LRBA: variants seen among roughly 807,000 people sequenced by gnomAD.
LRBA encodes LPS responsive beige-like anchor protein, also known as lipopolysaccharide-responsive and beige-like anchor protein.
In LRBA, 176 loss-of-function variants were observed where a neutral mutation model predicts 330.0. The ratio of observed to expected loss-of-function variants is 0.53; its 90% CI spans 0.47 to 0.60. The LOEUF (loss-of-function observed/expected upper bound fraction) is 0.60. Ranked by LOEUF, LRBA falls within the 20% of genes least tolerant of loss-of-function variation. The probability of loss-of-function intolerance (pLI) is 0.00; values close to 1 mark genes in which losing one functional copy is unlikely to be tolerated. For synonymous variants in LRBA, 1,230 were observed against 1,193.0 expected (o/e 1.03, Z -0.64); for missense variants, 3,259 against 3,444.8 (o/e 0.95, Z 1.35).
At position 150,639,781 on chromosome 4, in the gene LRBA, ATGTG is replaced by A. The variant is rs57210930; in HGVS notation, c.5922-40654_5922-40651del. On this transcript the variant is annotated intron_variant, in intron 37 of 56. Coordinates refer to ENST00000651943, the MANE Select transcript of LRBA (RefSeq NM_001364905.1). ...TATATATATATATATATATATATAT[ATGTG>A]TGTGTGTATATATATATATATGTGT... 1.2e-3 allele frequency among the ~76,000 whole-genome samples: 17 copies of A among 14,300 alleles called. 1 individual carries two copies. The highest frequency in any genetic ancestry group is 7.6e-3 in the African/African-American group (16 of 2,118). The allele number at this position is 14,300 out of a possible 152,430, so 9.4% of individuals were successfully genotyped here.
chr4:150,499,221 G>A (rs577947709), intron 40 of LRBA, among the ~76,000 whole-genome samples: 4 of 151,552 alleles, frequency 2.6e-5, no homozygotes, highest in South Asian at 2.1e-4. Context: ...TTACATGTAC[G>A]GTATAGAAAA....
At chr4:150,644,894 G>T (rs191507347) in intron 37 of LRBA, among the ~76,000 whole-genome samples, 8 of 151,878 alleles carry the variant, frequency 5.3e-5, no homozygotes, top group Admixed American at 3.3e-4. Flanking sequence ...GGTATTTAAA[G>T]CATAAGCTTA....
chr4:150,470,575 G>C (rs1301857625), intron 43 of LRBA, among the ~76,000 whole-genome samples: 2 of 151,894 alleles, frequency 1.3e-5, no homozygotes, highest in East Asian at 3.9e-4. Context: ...CAAAAACTCT[G>C]ATACCTTAAC....
intron 53 of LRBA, among the ~76,000 whole-genome samples, chr4:150,299,948 C>A (rs773552285): frequency 9.2e-5 from 14 of 152,002 alleles, no homozygotes; most frequent in Non-Finnish European, 1.5e-4. Context: ...ATACACATAA[C>A]CTAAAACCCT....
chr4:150,991,064 A>G (rs978336366), intron 2 of LRBA, among the ~76,000 whole-genome samples: 18 of 152,002 alleles, frequency 1.2e-4, no homozygotes, highest in Non-Finnish European at 7.4e-5. Flanking sequence ...AAAAAAAAAA[A>G]AAAAAAGAAG....
intron 34 of LRBA, among the ~76,000 whole-genome samples, chr4:150,763,285 C>T (rs913688489): frequency 3.3e-5 from 5 of 151,896 alleles, no homozygotes; most frequent in Non-Finnish European, 7.4e-5. Flanking sequence ...TTAGGCATAT[C>T]GTGCTACATC....
intron 36 of LRBA, among the ~76,000 whole-genome samples, chr4:150,718,636 A>G (rs1477770264): frequency 6.6e-6 from 1 of 152,128 alleles, no homozygotes; most frequent in Non-Finnish European, 1.5e-5. Flanking sequence ...ATGAACAAAT[A>G]TATTTTCTCT....
chr4:150,829,975 T>A (rs1187987517), intron 29 of LRBA, among the ~76,000 whole-genome samples: 1 of 152,216 alleles, frequency 6.6e-6, no homozygotes, highest in Non-Finnish European at 1.5e-5. Context: ...CACCTAATGT[T>A]TTAAAATTCT....
At chr4:150,399,597 T>G (rs1745198847) in intron 47 of LRBA, among the ~76,000 whole-genome samples, 1 of 152,150 alleles carries the variant, frequency 6.6e-6, no homozygotes, top group South Asian at 2.1e-4. Flanking sequence ...TATGTCCACT[T>G]AAAAGAGAAC....
At chr4:150,445,190 T>C (rs1018862988) in intron 44 of LRBA, among the ~76,000 whole-genome samples, 1 of 151,948 alleles carries the variant, frequency 6.6e-6, no homozygotes, top group South Asian at 2.1e-4. Flanking sequence ...GATAGGTCAT[T>C]AGTGGCATAC....
rs76216759 is a variant in LRBA, at chr4:150,628,339, T to C, written c.5922-29208A>G. Among the ~76,000 whole-genome samples the C allele has an allele frequency of 8.3e-3, 1,264 of 152,256 alleles. 12 individuals carry two copies. Among genetic ancestry groups the C allele is most frequent in the African/African-American group, 0.029 (1,195 of 41,536 alleles). Reference sequence around the variant, plus strand: ...GTATAGAGAGAGTCAGGCAAATGCATCACTCTTTACTGGTTTTCTTGTTAT... The same window carrying C: ...GTATAGAGAGAGTCAGGCAAATGCACCACTCTTTACTGGTTTTCTTGTTAT... On this transcript the variant is annotated intron_variant, in intron 37 of 56. Coordinates refer to ENST00000651943, the MANE Select transcript of LRBA (RefSeq NM_001364905.1).
intron 38 of LRBA, among the ~76,000 whole-genome samples, chr4:150,594,783 G>C (rs1206467325): frequency 6.6e-6 from 1 of 151,950 alleles, no homozygotes; most frequent in African/African-American, 2.4e-5. Flanking sequence ...AGAGAGGCTG[G>C]TCCCCAAAAT....
At chr4:150,375,042 TAAC>T (rs1205385077) in intron 47 of LRBA, among the ~76,000 whole-genome samples, 3 of 151,000 alleles carry the variant, frequency 2.0e-5, no homozygotes, top group Non-Finnish European at 2.9e-5. Context: ...TGCAGGCTTG[TAAC>T]AACAAGAGGG....
intron 47 of LRBA, among the ~76,000 whole-genome samples, chr4:150,373,094 C>A (rs897212035): frequency 6.7e-6 from 1 of 148,266 alleles, no homozygotes; most frequent in Admixed American, 6.8e-5. Flanking sequence ...CAGATGACTG[C>A]AGCCTCAGCA....
intron 33 of LRBA, among the ~76,000 whole-genome samples, chr4:150,801,225 T>A (rs1034241889): frequency 5.3e-5 from 8 of 152,216 alleles, no homozygotes; most frequent in Admixed American, 4.6e-4. Context: ...GTTTTGAAGG[T>A]ATATACATAT....
intron 40 of LRBA, among the ~76,000 whole-genome samples, chr4:150,522,467 C>A (rs1169352636): frequency 1.3e-5 from 2 of 152,142 alleles, no homozygotes; most frequent in Non-Finnish European, 1.5e-5. Context: ...AAGAATAACT[C>A]CCCAAAGCAT....
intron 47 of LRBA, among the ~76,000 whole-genome samples, chr4:150,386,889 A>G (rs765607158): frequency 1.3e-5 from 2 of 152,168 alleles, no homozygotes; most frequent in Non-Finnish European, 2.9e-5. Context: ...CCAACAGTGT[A>G]AGAGCATTCC....
At chr4:150,617,943 C>CA (rs1297768922) in intron 37 of LRBA, among the ~76,000 whole-genome samples, 6 of 151,936 alleles carry the variant, frequency 3.9e-5, no homozygotes, top group Non-Finnish European at 5.9e-5. Flanking sequence ...CCCATCTCTA[C>CA]AAAAAATACA....
chr4:150,542,634 A>G (rs1765433875), intron 40 of LRBA, among the ~76,000 whole-genome samples: 1 of 152,190 alleles, frequency 6.6e-6, no homozygotes, highest in Non-Finnish European at 1.5e-5. Flanking sequence ...GCAGCTAACG[A>G]GAAGAAATCA....
Sources: gnomAD v4.1 joint callset for allele counts (sites outside exome capture counted in the v4.1 genomes callset) on GRCh38, gnomAD v4.1.1 for gene constraint, MANE v1.5 for transcripts, NCBI Gene and HGNC (gene_info 2026-07-23, HGNC 2026-07-21) for gene names.